The following CFAP46 variants were observed in gnomAD, a reference collection of about 807,000 sequenced individuals.
The protein encoded by CFAP46 is cilia and flagella associated protein 46.
A neutral mutation model predicts 325.7 loss-of-function variants in CFAP46; 245 were observed. That is an observed-to-expected ratio of 0.75 (90% CI 0.68 to 0.84). CFAP46 has a LOEUF of 0.84. Ranked by LOEUF, CFAP46 falls within the 40% of genes least tolerant of loss-of-function variation. The probability of loss-of-function intolerance (pLI) is 0.00; values close to 1 mark genes in which losing one functional copy is unlikely to be tolerated. For synonymous variants in CFAP46, 1,523 were observed against 1,495.9 expected (o/e 1.02, Z -0.42); for missense variants, 3,346 against 3,543.0 (o/e 0.94, Z 1.41).
intron 39 of CFAP46, among the ~76,000 whole-genome samples, chr10:132,855,667 C>G (rs573562480): frequency 6.6e-6 from 1 of 152,220 alleles, no homozygotes; most frequent in Middle Eastern, 3.4e-3. Flanking sequence ...CCTTTCTTGG[C>G]TCATGCAGCA....
At chr10:132,902,743 G>C (rs974590433) in intron 22 of CFAP46, among the ~76,000 whole-genome samples, 8 of 152,224 alleles carry the variant, frequency 5.3e-5, no homozygotes, top group African/African-American at 1.4e-4. Context: ...GCTGCTGAAA[G>C]TGTGGATTGT....
chr10:132,821,763 T>C (rs867152032), intron 50 of CFAP46, among the ~76,000 whole-genome samples: 3 of 134,198 alleles, frequency 2.2e-5, no homozygotes, highest in African/African-American at 9.1e-5. Flanking sequence ...GCTGTGTGTG[T>C]GCTGTGTGCT....
intron 37 of CFAP46, 26 bp downstream of exon 37, chr10:132,860,391 G>A (rs1240074062): frequency 1.3e-6 from 2 of 1,501,994 alleles, no homozygotes. Flanking sequence ...TCACGCTAAT[G>A]AACAGTGTTT....
At chr10:132,912,274 T>C (rs1274258084) in intron 19 of CFAP46, among the ~76,000 whole-genome samples, 2 of 85,598 alleles carry the variant, frequency 2.3e-5, no homozygotes, top group East Asian at 5.8e-4. Flanking sequence ...TCCTCTCTCT[T>C]CTCCTCTCTC....
intron 13 of CFAP46, among the ~76,000 whole-genome samples, chr10:132,921,732 G>A (rs1487461811): frequency 6.6e-6 from 1 of 152,170 alleles, no homozygotes; most frequent in African/African-American, 2.4e-5. Context: ...AGAGGGGATG[G>A]CCCTGTGAGG....
chr10:132,934,591 C>T (rs1315913060), intron 8 of CFAP46, among the ~76,000 whole-genome samples, 161 bp downstream of exon 8: 1 of 152,202 alleles, frequency 6.6e-6, no homozygotes, highest in East Asian at 1.9e-4. Flanking sequence ...AATCTCAGGC[C>T]ACAAAAGACC....
intron 44 of CFAP46, among the ~76,000 whole-genome samples, chr10:132,841,273 A>T (rs1016008326): frequency 2.6e-5 from 4 of 152,180 alleles, no homozygotes; most frequent in Non-Finnish European, 5.9e-5. Flanking sequence ...AGACATTCCC[A>T]CTTGAAAACG....
At chr10:132,837,015 CG>C in intron 44 of CFAP46, 101 bp from the exon 45 acceptor site, 1 of 931,928 alleles carries the variant, frequency 1.1e-6, no homozygotes, top group Non-Finnish European at 1.7e-6. Context: ...AGAGCCACGG[CG>C]GGGGCTTTGT....
At chr10:132,810,870 T>C (rs1847566489) in intron 56 of CFAP46, 80 bp downstream of exon 56, 1 of 1,332,130 alleles carries the variant, frequency 7.5e-7, no homozygotes. Context: ...AGGTCCCTCC[T>C]CCCTTGTGGG....
chr10:132,851,313 G>A lies in CFAP46; in HGVS notation c.5575-8C>T, dbSNP rs754112041. On this transcript the variant is annotated splice_region_variant and splice_polypyrimidine_tract_variant and intron_variant, in intron 39 of 57. Coordinates refer to ENST00000368586, the MANE Select transcript of CFAP46 (RefSeq NM_001200049.3). ...CGTGTTGACGTTCTGCAACTGAGGG[G>A]GTCAGGCATGCCTCTGAAGCATGGA... 7 of 1,611,804 alleles carry A rather than the reference G, an allele frequency of 4.3e-6. No individual in the cohort carries two copies. The highest frequency in any genetic ancestry group is 5.9e-6 in the Non-Finnish European group (7 of 1,179,056).
rs776912299 is a variant in CFAP46, at chr10:132,834,750, T to C, written c.6770A>G (p.Glu2257Gly). The change falls in exon 48 of 58, where the codon GAG becomes GGG. Residue 2257 changes from glutamate to glycine, a missense_variant. Coordinates refer to ENST00000368586, the MANE Select transcript of CFAP46 (RefSeq NM_001200049.3). ...GSEPEGLQVEEKERPVQRLSS... is the reference protein window; with the variant it reads ...GSEPEGLQVEGKERPVQRLSS... The stretch of plus-strand genomic sequence containing the variant: ...GAGCCTCTGCACAGGGCGCTCCTTC[T>C]CTTCCACCTGCAGGCCTTCTGGTTC... 6.2e-7 allele frequency: 1 copy of C among 1,612,638 alleles called. No homozygotes were observed. The highest frequency in any genetic ancestry group is 1.1e-5 in the South Asian group (1 of 90,980).
chr10:132,835,473 G>A (rs761255931), intron 46 of CFAP46, 39 bp from the exon 47 acceptor site: 7 of 1,611,446 alleles, frequency 4.3e-6, no homozygotes, highest in Middle Eastern at 1.6e-4. Context: ...GCTGCCCAGG[G>A]CTGAGGATGG....
In CFAP46 at chr10:132,909,149, G is replaced by A. The variant is rs1165573512; in HGVS notation, c.2745C>T (p.Pro915=). Residue 915 remains proline, a synonymous_variant, in exon 21 of 58, where the codon CCC becomes CCT. Transcript: ENST00000368586. ...TGGGGACACCTACCTGGGCCAGGGA[G>A]GGGACAGTGAAGTCCATGAGGCCCA... ...NGLGLMDFTV[P]SLAQLVKMAS... 5.8e-6 allele frequency: 9 copies of A among 1,548,978 alleles called. No individual in the cohort carries two copies. Among genetic ancestry groups the A allele is most frequent in the Non-Finnish European group, 7.9e-6 (9 of 1,146,412 alleles).
chr10:132,906,315 C>T (rs1366397299), intron 22 of CFAP46, among the ~76,000 whole-genome samples: 1 of 152,254 alleles, frequency 6.6e-6, no homozygotes, highest in Non-Finnish European at 1.5e-5. Context: ...TATAGCCCAT[C>T]GCCTGGGTTC....
rs562026943 is a variant in CFAP46, at chr10:132,886,592, T to C, written c.3305-633A>G. On this transcript the variant is annotated intron_variant, in intron 25 of 57. Transcript: ENST00000368586. The surrounding 1 kb of genome is among the most constrained non-coding windows in gnomAD (Gnocchi z 5.8). ...GGTGGATCCTGGTGGGATGGAACCCTCAGTGTCTGGGCGAGCTGCAGATGA... is the reference window on the plus strand; with the variant it reads ...GGTGGATCCTGGTGGGATGGAACCCCCAGTGTCTGGGCGAGCTGCAGATGA... Among the ~76,000 whole-genome samples the C allele has an allele frequency of 6.6e-6, 1 of 152,180 alleles. No individual in the cohort carries two copies. Among genetic ancestry groups the C allele is most frequent in the East Asian group, 1.9e-4 (1 of 5,172 alleles).
chr10:132,867,350 G>T, intron 34 of CFAP46, 25 bp downstream of exon 34: 1 of 1,542,764 alleles, frequency 6.5e-7, no homozygotes. Context: ...CTGCGGGTCA[G>T]AGGGATTCTG....
intron 44 of CFAP46, 96 bp from the exon 45 acceptor site, chr10:132,837,010 C>T: frequency 2.1e-6 from 2 of 968,890 alleles, no homozygotes; most frequent in Non-Finnish European, 3.3e-6. Flanking sequence ...GTGGCAGAGC[C>T]ACGGCGGGGG....
chr10:132,866,181 A>G lies in CFAP46; in HGVS notation c.4744-10T>C. ...CATTCATCTTCAAAATCTGTAAGAT[A>G]CCGCAGCCCCAGGCGGCACGATCCT... On this transcript the variant is annotated splice_polypyrimidine_tract_variant and intron_variant, in intron 34 of 57. Transcript: ENST00000368586. 6.6e-7 allele frequency: 1 copy of G among 1,511,372 alleles called. No individual in the cohort carries two copies. The highest frequency in any genetic ancestry group is 1.3e-5 in the South Asian group (1 of 77,782). 93.6% of individuals were successfully genotyped at this position (1,511,372 alleles called of 1,614,324 possible).
At position 132,888,710 on chromosome 10, in the gene CFAP46, G is replaced by T. The variant is rs528959896; in HGVS notation, c.3305-2751C>A. 1.6e-3 allele frequency among the ~76,000 whole-genome samples: 76 copies of T among 46,180 alleles called. No individual in the cohort carries two copies. The African/African-American group carries it at 0.021, about 13-fold the overall frequency. 30.3% of individuals were successfully genotyped at this position (46,180 alleles called of 152,430 possible). On this transcript the variant is annotated intron_variant, in intron 25 of 57. Transcript: ENST00000368586. ...CCTGCCACCTTCACCCCTGCCGCCT[G>T]CACCCCTGCCGCCTGCACCTGCCAC...
Sources: gnomAD v4.1 joint callset for allele counts (sites outside exome capture counted in the v4.1 genomes callset) on GRCh38, gnomAD v4.1.1 for gene constraint, Gnocchi (gnomAD v3.1) non-coding constraint, MANE v1.5 for transcripts, NCBI Gene and HGNC (gene_info 2026-07-23, HGNC 2026-07-21) for gene names.